Variants in TTLL11 observed in about 807,000 individuals in gnomAD.
The protein encoded by TTLL11 is tubulin polyglutamylase TTLL11.
TTLL11 carries 42 observed loss-of-function variants against 51.7 expected under a neutral mutation model. That is an observed-to-expected ratio of 0.81 (90% CI 0.64 to 1.05). TTLL11 has a LOEUF of 1.05. TTLL11 is among the 50% of genes least tolerant of loss of function. The probability of loss-of-function intolerance (pLI) is 0.00; values close to 1 mark genes in which losing one functional copy is unlikely to be tolerated. For synonymous variants in TTLL11, 381 were observed against 383.5 expected (o/e 0.99, Z 0.08); for missense variants, 799 against 940.4 (o/e 0.85, Z 1.97).
chr9:121,905,746 C>A (rs186069259), intron 6 of TTLL11, among the ~76,000 whole-genome samples: 5 of 152,260 alleles, frequency 3.3e-5, no homozygotes, highest in Admixed American at 3.3e-4. Flanking sequence ...TCAAGCTAAC[C>A]CATATTTACA....
intron 1 of TTLL11, 134 bp downstream of exon 1, chr9:122,092,553 C>T (rs75024460): frequency 0.03 from 42,919 of 1,442,108 alleles, 1,008 homozygotes; most frequent in Admixed American, 0.15. Flanking sequence ...TTGCGGCTGA[C>T]AAGCAGGCCC....
intron 8 of TTLL11, among the ~76,000 whole-genome samples, chr9:121,843,889 A>G (rs10985414): frequency 0.034 from 5,117 of 152,158 alleles, 257 homozygotes; most frequent in African/African-American, 0.11. Context: ...GCGTAAGCTG[A>G]TCTCGAACTC....
At chr9:121,905,500 C>T (rs930994377) in intron 6 of TTLL11, among the ~76,000 whole-genome samples, 4 of 151,982 alleles carry the variant, frequency 2.6e-5, no homozygotes, top group African/African-American at 9.7e-5. Context: ...TACAGGCACA[C>T]ATCATCAAGC....
intron 3 of TTLL11, among the ~76,000 whole-genome samples, chr9:122,014,360 C>T (rs1382266984): frequency 6.6e-6 from 1 of 152,028 alleles, no homozygotes; most frequent in Non-Finnish European, 1.5e-5. Context: ...GCAAGACTGT[C>T]TCAAAAAAAT....
intron 3 of TTLL11, among the ~76,000 whole-genome samples, chr9:122,020,076 C>T (rs565559125): frequency 2.0e-5 from 3 of 152,200 alleles, no homozygotes; most frequent in Admixed American, 6.5e-5. Flanking sequence ...TTAACAGCAG[C>T]ATGAAAGCAA....
At chr9:121,876,918 A>C (rs1375573474) in intron 6 of TTLL11, among the ~76,000 whole-genome samples, 1 of 152,238 alleles carries the variant, frequency 6.6e-6, no homozygotes, top group Non-Finnish European at 1.5e-5. Flanking sequence ...TCTAAGAATC[A>C]CTGGTCTAGG....
At chr9:122,061,504 A>G (rs1402882877) in intron 1 of TTLL11, among the ~76,000 whole-genome samples, 1 of 152,248 alleles carries the variant, frequency 6.6e-6, no homozygotes, top group East Asian at 1.9e-4. Context: ...GGGGTTGAAG[A>G]GTAGATACAT....
At chr9:121,898,591 A>G (rs1839637388) in intron 6 of TTLL11, among the ~76,000 whole-genome samples, 2 of 152,248 alleles carry the variant, frequency 1.3e-5, no homozygotes, top group Non-Finnish European at 2.9e-5. Flanking sequence ...CTCCCACCAC[A>G]GAGCAACCCA....
At chr9:121,894,752 G>T (rs539026399) in intron 6 of TTLL11, among the ~76,000 whole-genome samples, 40 of 152,152 alleles carry the variant, frequency 2.6e-4, no homozygotes, top group African/African-American at 9.4e-4. Flanking sequence ...CCTGTCGGGG[G>T]GTGGGGACTA....
At position 121,975,383 on chromosome 9, in the gene TTLL11, G is replaced by A. The variant is rs564173489; in HGVS notation, c.1270-404C>T. ...CCTAAGGCTGCTTTTGCAAACCTGA[G>A]GTATACATCAGTGTCATATAAGGAC... On this transcript the variant is annotated intron_variant, in intron 4 of 8. Coordinates refer to ENST00000321582, the MANE Select transcript of TTLL11 (RefSeq NM_001139442.2). Among the ~76,000 whole-genome samples the A allele has an allele frequency of 8.4e-4, 128 of 152,080 alleles. 1 individual carries two copies. The highest frequency in any genetic ancestry group is 1.5e-3 in the Non-Finnish European group (102 of 68,012).
At chr9:121,877,937 T>C (rs1043257573) in intron 6 of TTLL11, among the ~76,000 whole-genome samples, 17 of 152,192 alleles carry the variant, frequency 1.1e-4, no homozygotes, top group Non-Finnish European at 2.1e-4. Context: ...AGGCCGGTTA[T>C]TTGTAACATC....
chr9:121,924,261 C>T (rs1341791578), intron 6 of TTLL11, among the ~76,000 whole-genome samples: 1 of 152,184 alleles, frequency 6.6e-6, no homozygotes, highest in African/African-American at 2.4e-5. Context: ...CAGTGCATGG[C>T]CCATTGTAGG....
At chr9:121,940,416 C>T (rs948533504) in intron 6 of TTLL11, among the ~76,000 whole-genome samples, 10 of 152,042 alleles carry the variant, frequency 6.6e-5, no homozygotes, top group African/African-American at 2.4e-4. Context: ...CGGCTCACCA[C>T]AACCTCTGCC....
Position 121,822,710 on chromosome 9 carries a change from G to GC in TTLL11, c.2009dup (p.Arg671ProfsTer31), listed in dbSNP as rs1320009262. 1 of 1,550,030 alleles carries GC rather than the reference G, an allele frequency of 6.5e-7. No homozygotes were observed. The highest frequency in any genetic ancestry group is 2.0e-5 in the Admixed American group (1 of 50,972). On this transcript the variant is annotated frameshift_variant, in exon 9 of 9. Transcript: ENST00000321582. LOFTEE classifies it low-confidence loss of function (END_TRUNC). This position sits in a 1 kb window ranked among gnomAD's most constrained non-coding sequence, Gnocchi z 5.8. ...GGGGAGGGCCACGGTGTGGGGGCCGGCCCCCCGACGGGACGCCCCGGCCAC... is the reference window on the plus strand; with the variant it reads ...GGGGAGGGCCACGGTGTGGGGGCCGGCCCCCCCGACGGGACGCCCCGGCCAC...
At chr9:121,883,627 T>G (rs1282195913) in intron 6 of TTLL11, among the ~76,000 whole-genome samples, 1 of 152,224 alleles carries the variant, frequency 6.6e-6, no homozygotes, top group Non-Finnish European at 1.5e-5. Flanking sequence ...GCAATTTGAA[T>G]TCCCTGAACA....
intron 6 of TTLL11, among the ~76,000 whole-genome samples, chr9:121,924,416 T>C (rs1303968973): frequency 6.6e-6 from 1 of 152,230 alleles, no homozygotes; most frequent in African/African-American, 2.4e-5. Flanking sequence ...CCTGGCTGAC[T>C]CCCATTTCCT....
chr9:121,862,409 G>A (rs1324001508), intron 7 of TTLL11, among the ~76,000 whole-genome samples: 1 of 152,150 alleles, frequency 6.6e-6, no homozygotes, highest in Admixed American at 6.5e-5. Context: ...CCAGCATGGT[G>A]CCTGTCACCT....
chr9:121,895,017 G>A (rs1839399939), intron 6 of TTLL11, among the ~76,000 whole-genome samples: 2 of 152,044 alleles, frequency 1.3e-5, no homozygotes, highest in African/African-American at 2.4e-5. Context: ...TGGGACCAAC[G>A]ACAGGAATAA....
At chr9:121,911,694 C>G (rs1021523560) in intron 6 of TTLL11, among the ~76,000 whole-genome samples, 1 of 152,230 alleles carries the variant, frequency 6.6e-6, no homozygotes, top group African/African-American at 2.4e-5. Flanking sequence ...GAACAAAAAA[C>G]CAAACACCAC....
Sources: allele counts gnomAD v4.1 joint callset (sites outside exome capture counted in the v4.1 genomes callset), GRCh38; gene constraint gnomAD v4.1.1; non-coding constraint Gnocchi (gnomAD v3.1); transcripts MANE v1.5; gene names NCBI Gene and HGNC (gene_info 2026-07-23, HGNC 2026-07-21).